Variants in DSCAML1 observed in about 807,000 individuals in gnomAD.
DSCAML1 encodes cell adhesion molecule DSCAML1.
DSCAML1 carries 38 observed loss-of-function variants against 200.5 expected under a neutral mutation model. The ratio of observed to expected loss-of-function variants is 0.19; its 90% CI spans 0.15 to 0.25. The LOEUF (loss-of-function observed/expected upper bound fraction) is 0.25, where lower values mean the gene tolerates loss of function less well. Ranked by LOEUF, DSCAML1 falls within the 10% of genes least tolerant of loss-of-function variation. DSCAML1 has a pLI of 1.00. For missense variants in DSCAML1, 2,223 were observed against 2,858.8 expected (o/e 0.78, Z 5.07); for synonymous variants, 1,215 against 1,165.0 (o/e 1.04, Z -0.87).
chr11:117,521,715 G>A (rs767927605), intron 5 of DSCAML1, among the ~76,000 whole-genome samples: 2 of 152,086 alleles, frequency 1.3e-5, no homozygotes, highest in African/African-American at 2.4e-5. Flanking sequence ...TGAGGAGGGC[G>A]GAGACTTGAC....
intron 3 of DSCAML1, among the ~76,000 whole-genome samples, chr11:117,630,502 T>C (rs1401254229): frequency 1.3e-5 from 2 of 151,820 alleles, no homozygotes; most frequent in Admixed American, 6.6e-5. Flanking sequence ...CTGGCGGGCC[T>C]GTCTCTCTAT....
At chr11:117,721,681 G>A (rs548931432) in intron 3 of DSCAML1, among the ~76,000 whole-genome samples, 131 of 144,948 alleles carry the variant, frequency 9.0e-4, no homozygotes, top group Non-Finnish European at 1.4e-3. Flanking sequence ...AAATATATAA[G>A]CATATATTTA....
chr11:117,759,215 A>G (rs1387389094), intron 3 of DSCAML1, among the ~76,000 whole-genome samples: 1 of 152,032 alleles, frequency 6.6e-6, no homozygotes, highest in Admixed American at 6.6e-5. Context: ...AGGCTTTGTG[A>G]TTTCCAAGGC....
At chr11:117,429,903 T>A (rs573062116) in intron 32 of DSCAML1, among the ~76,000 whole-genome samples, 22 of 152,346 alleles carry the variant, frequency 1.4e-4, no homozygotes, top group African/African-American at 5.3e-4. Context: ...AGAGATTAAA[T>A]CATTTGCCTA....
chr11:117,505,241 G>T lies in DSCAML1; in HGVS notation c.2063-198C>A, dbSNP rs1267659836. 6.6e-6 allele frequency among the ~76,000 whole-genome samples: 1 copy of T among 152,132 alleles called. No homozygotes were observed. The highest frequency in any genetic ancestry group is 2.4e-5 in the African/African-American group (1 of 41,420). ...CTTGGGAGCTCTGAGTTCCAGTCCT[G>T]CCTTTGCCACTGACTAACTGAGCAA... On this transcript the variant is annotated intron_variant, in intron 9 of 32. Transcript: ENST00000651296. This position sits in a 1 kb window ranked among gnomAD's most constrained non-coding sequence, Gnocchi z 6.7.
chr11:117,482,784 T>C (rs556403688), intron 11 of DSCAML1, among the ~76,000 whole-genome samples: 4 of 152,238 alleles, frequency 2.6e-5, no homozygotes, highest in East Asian at 3.9e-4. Context: ...AAATGTGATT[T>C]TCCCTCCTCC....
At position 117,428,628 on chromosome 11, in the gene DSCAML1, G is replaced by A. The variant is rs776433712; in HGVS notation, c.5862C>T (p.Gly1954=). The A allele has an allele frequency of 6.2e-7, 1 of 1,610,382 alleles. No individual in the cohort carries two copies. Among genetic ancestry groups the A allele is most frequent in the Non-Finnish European group, 8.5e-7 (1 of 1,178,634 alleles). The change falls in exon 33 of 33, where the codon GGC becomes GGT. Residue 1954 remains glycine, a synonymous_variant. Coordinates refer to ENST00000651296, the MANE Select transcript of DSCAML1 (RefSeq NM_020693.4). ...LTLDPASKSL[G]LPHPGAPAAA... ...CAGCGGGGGCCCCTGGGTGGGGAAG[G>A]CCCAAGGACTTGCTGGCAGGGTCCA... is the stretch of plus-strand genomic sequence containing the variant.
chr11:117,484,395 C>T (rs1389283917), intron 11 of DSCAML1, among the ~76,000 whole-genome samples: 2 of 152,210 alleles, frequency 1.3e-5, no homozygotes, highest in South Asian at 4.1e-4. Context: ...ATGCTGACGA[C>T]AGCCCTGGCC....
chr11:117,481,666 A>T (rs112746276), intron 12 of DSCAML1, among the ~76,000 whole-genome samples: 15,008 of 139,502 alleles, frequency 0.11, 996 homozygotes, highest in South Asian at 0.23. Flanking sequence ...GGAGAGAGGG[A>T]GGGGCTGAGG....
Position 117,518,809 on chromosome 11 carries a change from G to C in DSCAML1, c.1214-47C>G. ...CTTCAGGGTCACCAAGCCATGGAGA[G>C]ACGGTCCCCCCAGCCACCCCACCTC... is the stretch of plus-strand genomic sequence containing the variant. On this transcript the variant is annotated intron_variant, in intron 6 of 32. Coordinates refer to ENST00000651296, the MANE Select transcript of DSCAML1 (RefSeq NM_020693.4). This position sits in a 1 kb window ranked among gnomAD's most constrained non-coding sequence, Gnocchi z 6.3. 2 of 1,561,292 alleles carry C rather than the reference G, an allele frequency of 1.3e-6. No homozygotes were observed. Among genetic ancestry groups the C allele is most frequent in the Non-Finnish European group, 8.6e-7 (1 of 1,160,626 alleles).
intron 3 of DSCAML1, among the ~76,000 whole-genome samples, chr11:117,691,227 G>T (rs1036566346): frequency 6.6e-6 from 1 of 152,106 alleles, no homozygotes; most frequent in Admixed American, 6.5e-5. Context: ...TGCACACGGG[G>T]ATCCTAGGGA....
intron 3 of DSCAML1, among the ~76,000 whole-genome samples, chr11:117,638,315 A>AGTGTGTGTGTGTGTGTGT: frequency 7.4e-6 from 1 of 135,128 alleles, no homozygotes; most frequent in Non-Finnish European, 1.6e-5. Flanking sequence ...CAAGATAGCA[A>AGTGTGTGTGTGTGTGTGT]GTGTGTGTGT....
At chr11:117,522,629 C>T (rs1467836396) in intron 5 of DSCAML1, among the ~76,000 whole-genome samples, 2 of 152,342 alleles carry the variant, frequency 1.3e-5, no homozygotes, top group African/African-American at 2.4e-5. Flanking sequence ...TCTCCCTACT[C>T]GTTTCCCAGA....
chr11:117,669,879 T>C (rs1202290970), intron 3 of DSCAML1, among the ~76,000 whole-genome samples: 1 of 152,190 alleles, frequency 6.6e-6, no homozygotes, highest in Non-Finnish European at 1.5e-5. Context: ...CAACGGGGCC[T>C]GTGGCATGAG....
chr11:117,686,207 G>A (rs2053398755), intron 3 of DSCAML1, among the ~76,000 whole-genome samples: 1 of 152,204 alleles, frequency 6.6e-6, no homozygotes, highest in South Asian at 2.1e-4. Context: ...ATAGGGCTGG[G>A]TGGATCACCC....
intron 3 of DSCAML1, chr11:117,611,145 G>A (rs888544172): frequency 6.6e-6 from 1 of 152,204 alleles, no homozygotes; most frequent in African/African-American, 2.4e-5. Flanking sequence ...AGCCTCCTCA[G>A]GGAGCTCATT....
At chr11:117,625,241 C>G (rs555822534) in intron 3 of DSCAML1, among the ~76,000 whole-genome samples, 1 of 151,962 alleles carries the variant, frequency 6.6e-6, no homozygotes, top group African/African-American at 2.4e-5. Context: ...ATTTCAGGCC[C>G]GGGGAAAGTA....
intron 3 of DSCAML1, among the ~76,000 whole-genome samples, chr11:117,717,252 C>A (rs746425008): frequency 2.0e-5 from 3 of 152,122 alleles, no homozygotes; most frequent in Non-Finnish European, 4.4e-5. Flanking sequence ...CCCACCCTAC[C>A]GGTCCCCTCC....
At chr11:117,566,829 T>C (rs1198868696) in intron 3 of DSCAML1, among the ~76,000 whole-genome samples, 4 of 150,546 alleles carry the variant, frequency 2.7e-5, no homozygotes, top group Non-Finnish European at 4.4e-5. Context: ...ATATGCGGTG[T>C]TTGGTTTTTT....
Sources: allele counts gnomAD v4.1 joint callset (sites outside exome capture counted in the v4.1 genomes callset), GRCh38; gene constraint gnomAD v4.1.1; non-coding constraint Gnocchi (gnomAD v3.1); transcripts MANE v1.5; gene names NCBI Gene and HGNC (gene_info 2026-07-23, HGNC 2026-07-21).